CHEK1: variants seen among roughly 807,000 people sequenced by gnomAD.
CHEK1 encodes serine/threonine-protein kinase Chk1.
Under a neutral mutation model 60.2 loss-of-function variants are expected in CHEK1, and 32 were observed. The observed-to-expected ratio is 0.53, with a 90% CI of 0.40 to 0.71. CHEK1 has a LOEUF of 0.71. Among genes scored for constraint, CHEK1 ranks in the 30% least tolerant of loss-of-function variants. The pLI is 0.00. For synonymous variants in CHEK1, 179 were observed against 187.2 expected, an observed-to-expected ratio of 0.96 and a Z score of 0.36; for missense variants, 399 against 564.6, an observed-to-expected ratio of 0.71 and a Z score of 2.97.
downstream of CHEK1, chr11:125,678,161 G>A (rs775377936): frequency 1.1e-5 from 17 of 1,614,086 alleles, no homozygotes; most frequent in Non-Finnish European, 1.3e-5. Flanking sequence ...CACTTAAAGT[G>A]TTCAGGCCTG....
intron 3 of CHEK1, among the ~76,000 whole-genome samples, chr11:125,628,753 G>C (rs868172387): frequency 9.9e-5 from 15 of 152,102 alleles, no homozygotes; most frequent in Non-Finnish European, 4.4e-5. Flanking sequence ...GGGCACTCCA[G>C]CCTGGGTGAA....
chr11:125,663,617 C>G (rs530341480), intron 13 of CHEK1, among the ~76,000 whole-genome samples: 139 of 152,114 alleles, frequency 9.1e-4, no homozygotes, highest in African/African-American at 3.3e-3. Context: ...CATAGATTGT[C>G]TCTTTACTCT....
intron 8 of CHEK1, among the ~76,000 whole-genome samples, chr11:125,639,952 T>C (rs1941219085): frequency 6.6e-6 from 1 of 152,208 alleles, no homozygotes; most frequent in African/African-American, 2.4e-5. Context: ...TACCGGATCT[T>C]TCTCATCAGC....
At chr11:125,677,779 C>T, downstream of CHEK1, 3 of 1,611,586 alleles carry the variant, frequency 1.9e-6, no homozygotes, top group Non-Finnish European at 2.5e-6. Flanking sequence ...GACTGGCACC[C>T]ATCCAAACAT....
chr11:125,680,927 G>C, downstream of CHEK1: 1 of 680,920 alleles, frequency 1.5e-6, no homozygotes, highest in East Asian at 2.7e-5. Flanking sequence ...TCTTCACAAT[G>C]GGTTGGGCTC....
Position 125,655,322 on chromosome 11 carries a change from C to A in CHEK1, c.*2C>A, listed in dbSNP as rs746474609. On this transcript the variant is annotated 3_prime_UTR_variant, in exon 13 of 13. Transcript: ENST00000438015. ...AAGATTTGGCTTCCTGCCACATGAT[C>A]GGACCATCGGCTCTGGGGAATCCTG... 2 of 1,596,790 alleles carry A rather than the reference C, an allele frequency of 1.3e-6. No individual in the cohort carries two copies. Among genetic ancestry groups the A allele is most frequent in the South Asian group, 1.1e-5 (1 of 90,610 alleles).
At chr11:125,642,519 TAATA>T (rs1346313611) in intron 8 of CHEK1, among the ~76,000 whole-genome samples, 2 of 152,092 alleles carry the variant, frequency 1.3e-5, no homozygotes, top group Non-Finnish European at 2.9e-5. Context: ...ATGAATGGAT[TAATA>T]AATAAAAAGC....
downstream of CHEK1, among the ~76,000 whole-genome samples, chr11:125,658,523 G>T (rs987995633): frequency 5.9e-5 from 9 of 151,622 alleles, no homozygotes; most frequent in Admixed American, 5.3e-4. Flanking sequence ...GCGGCTTATT[G>T]TTCCATTCTT....
exon 14 of CHEK1, chr11:125,676,220 C>A: frequency 1.7e-6 from 2 of 1,178,774 alleles, no homozygotes; most frequent in East Asian, 2.4e-5. Flanking sequence ...GGATTCTGTT[C>A]TTAGTCCTTG....
At chr11:125,665,115 A>G (rs1211092351) in intron 13 of CHEK1, among the ~76,000 whole-genome samples, 4 of 151,376 alleles carry the variant, frequency 2.6e-5, no homozygotes, top group Non-Finnish European at 5.9e-5. Flanking sequence ...TGGGTTCTCT[A>G]TTCTGTTTCA....
chr11:125,680,973 C>T (rs898412271), downstream of CHEK1: 5 of 533,928 alleles, frequency 9.4e-6, no homozygotes, highest in Middle Eastern at 5.0e-4. Context: ...GCAAGTTGGC[C>T]CTTAGCAACC....
intron 8 of CHEK1, among the ~76,000 whole-genome samples, chr11:125,639,152 G>T (rs1044345589): frequency 6.6e-6 from 1 of 151,642 alleles, no homozygotes; most frequent in African/African-American, 2.4e-5. Context: ...ATACTTAGTG[G>T]GTAAAACCCA....
At position 125,643,892 on chromosome 11, in the gene CHEK1, T is replaced by C. The variant is rs1159724450; in HGVS notation, c.915T>C (p.Ser305=). 6.2e-7 allele frequency: 1 copy of C among 1,612,954 alleles called. No individual in the cohort carries two copies. Among genetic ancestry groups the C allele is most frequent in the South Asian group, 1.1e-5 (1 of 90,990 alleles). ...ATTTGGACTTCTCTCCAGTAAACAG[T>C]GCTTCTAGGTAAGACTGATAAAGAT... The part of the protein sequence containing the change: ...QSNLDFSPVN[S]ASSEENVKYS... Residue 305 remains serine, a synonymous_variant, in exon 9 of 13, where the codon AGT becomes AGC. Transcript: ENST00000438015.
At chr11:125,660,932 C>T (rs1007865625), downstream of CHEK1, among the ~76,000 whole-genome samples, 3 of 151,894 alleles carry the variant, frequency 2.0e-5, no homozygotes, top group East Asian at 3.9e-4. Context: ...TGCGCCACTA[C>T]GCCTGGCTAA....
intron 8 of CHEK1, among the ~76,000 whole-genome samples, chr11:125,642,082 G>C (rs1338355130): frequency 6.6e-6 from 1 of 152,098 alleles, no homozygotes; most frequent in African/African-American, 2.4e-5. Context: ...CTACCTCACT[G>C]TTTTTGTAGT....
chr11:125,645,666 C>T (rs1436995968), intron 11 of CHEK1, among the ~76,000 whole-genome samples: 2 of 152,072 alleles, frequency 1.3e-5, no homozygotes, highest in Non-Finnish European at 2.9e-5. Flanking sequence ...GGAGAATGCC[C>T]TTGTTCAAAG....
intron 11 of CHEK1, among the ~76,000 whole-genome samples, chr11:125,645,161 AAAT>A (rs1178420244): frequency 1.3e-5 from 2 of 152,120 alleles, no homozygotes; most frequent in Non-Finnish European, 2.9e-5. Flanking sequence ...CTGGCCTAAG[AAAT>A]AATATTTCTT....
At chr11:125,665,135 G>A (rs1310780611) in intron 13 of CHEK1, among the ~76,000 whole-genome samples, 4 of 151,296 alleles carry the variant, frequency 2.6e-5, no homozygotes, top group Non-Finnish European at 2.9e-5. Flanking sequence ...ATTGGTCTAC[G>A]TGTGTATCTG....
chr11:125,656,531 C>G lies in CHEK1; in HGVS notation c.*1211C>G, dbSNP rs1479539900. On this transcript the variant is annotated 3_prime_UTR_variant, in exon 13 of 13. Transcript: ENST00000438015. Reference sequence around the variant, plus strand: ...TCAAACCTGTTTTATTTATTTGAACCTATTTACGGTATGCTTAAGAATTGA... The same window carrying G: ...TCAAACCTGTTTTATTTATTTGAACGTATTTACGGTATGCTTAAGAATTGA... 4.7e-6 allele frequency: 1 copy of G among 214,360 alleles called. No homozygotes were observed. The highest frequency in any genetic ancestry group is 5.9e-5 in the Admixed American group (1 of 17,090). The allele number at this position is 214,360 out of a possible 1,614,324, so 13.3% of individuals were successfully genotyped here. A position where few individuals can be genotyped will look rare whatever the true frequency, so the allele number is the denominator to read the frequency against.
Sources: gnomAD v4.1 joint callset for allele counts (sites outside exome capture counted in the v4.1 genomes callset) on GRCh38, gnomAD v4.1.1 for gene constraint, MANE v1.5 for transcripts, NCBI Gene and HGNC (gene_info 2026-07-23, HGNC 2026-07-21) for gene names.